SHBG: variants seen among roughly 807,000 people sequenced by gnomAD.
SHBG encodes sex hormone binding globulin.
A neutral mutation model predicts 41.9 loss-of-function variants in SHBG; 37 were observed. That is an observed-to-expected ratio of 0.88 (90% CI 0.68 to 1.16). SHBG has a LOEUF of 1.16. Among genes scored for constraint, SHBG ranks in the 50% most tolerant of loss-of-function variants. The pLI, the probability that SHBG is intolerant of heterozygous loss-of-function variation, is 0.00. For synonymous variants in SHBG, 217 were observed against 205.8 expected, an observed-to-expected ratio of 1.05 and a Z score of -0.47; for missense variants, 466 against 499.9, an observed-to-expected ratio of 0.93 and a Z score of 0.65.
chr17:7,620,120 CAA>C (rs71159513), intron 1 of SHBG, among the ~76,000 whole-genome samples: 6 of 132,022 alleles, frequency 4.5e-5, no homozygotes, highest in Admixed American at 1.5e-4. Context: ...TATCCCTCTC[CAA>C]AAAAAAAAAA....
chr17:7,616,266 A>G (rs142562297), intron 1 of SHBG, among the ~76,000 whole-genome samples: 164 of 149,128 alleles, frequency 1.1e-3, no homozygotes, highest in Non-Finnish European at 2.0e-3. Context: ...AGTGGATATC[A>G]TGCCACCACA....
chr17:7,616,997 A>G (rs1280674963), intron 1 of SHBG, among the ~76,000 whole-genome samples: 2 of 152,190 alleles, frequency 1.3e-5, no homozygotes, highest in Admixed American at 1.3e-4. Context: ...AAAAACTGTC[A>G]TGAAATAAGG....
Position 7,630,225 on chromosome 17 carries a change from T to C in SHBG, c.53T>C (p.Leu18Ser). The change falls in exon 1 of 8, where the codon TTG becomes TCG. Residue 18 changes from leucine (L) to serine (S), a missense_variant. Leu to Ser is a moderately radical substitution (Grantham distance 145, BLOSUM62 -2). Coordinates refer to ENST00000380450, the MANE Select transcript of SHBG (RefSeq NM_001040.5). This position sits in a 1 kb window ranked among gnomAD's most constrained non-coding sequence, Gnocchi z 4.6. ...ATSRLLLLLL[L>S]LLLRHTRQGW... ...TCGCGCCTGCTGCTGTTGCTGCTGT[T>C]GCTACTACTGCGTCACACCCGCCAG... 1 of 1,612,648 alleles carries C rather than the reference T, an allele frequency of 6.2e-7. No homozygotes were observed. Among genetic ancestry groups the C allele is most frequent in the South Asian group, 1.1e-5 (1 of 90,866 alleles).
chr17:7,630,599 G>T lies in SHBG; in HGVS notation c.204-81G>T, dbSNP rs1423173716. 3.9e-6 allele frequency: 6 copies of T among 1,536,190 alleles called. No homozygotes were observed. The highest frequency in any genetic ancestry group is 1.4e-5 in the African/African-American group (1 of 73,274). Reference sequence around the variant, plus strand: ...TTTCCCTGTCTTCCTTTCCTTATCTGTGAACACCATCTCCCCCAAACCCAC... The same window carrying T: ...TTTCCCTGTCTTCCTTTCCTTATCTTTGAACACCATCTCCCCCAAACCCAC... On this transcript the variant is annotated intron_variant, in intron 2 of 7. Transcript: ENST00000380450. This position sits in a 1 kb window ranked among gnomAD's most constrained non-coding sequence, Gnocchi z 4.6.
chr17:7,630,034 TC>T (rs773446353), upstream of SHBG: 2 of 758,708 alleles, frequency 2.6e-6, no homozygotes, highest in Non-Finnish European at 4.7e-6. This position sits in a 1 kb window ranked among gnomAD's most constrained non-coding sequence, Gnocchi z 4.6. Context: ...TGGGCAGGGG[TC>T]AAGGGTCAGT....
In SHBG at chr17:7,630,204, G is replaced by A. The variant is rs532938410; in HGVS notation, c.32G>A (p.Arg11His). Reference protein sequence around the residue: MESRGPLATSRLLLLLLLLLL... With the variant: MESRGPLATSHLLLLLLLLLL... ...AGCAGAGGCCCACTGGCTACCTCGC[G>A]CCTGCTGCTGTTGCTGCTGTTGCTA... Residue 11 changes from arginine (R) to histidine (H), a missense_variant, in exon 1 of 8, where the codon CGC (arginine) becomes CAC (histidine). Arg to His is a conservative substitution (Grantham distance 29, BLOSUM62 0). Coordinates refer to ENST00000380450, the MANE Select transcript of SHBG (RefSeq NM_001040.5). The surrounding 1 kb of genome is among the most constrained non-coding windows in gnomAD (Gnocchi z 4.6). 1.9e-5 allele frequency: 30 copies of A among 1,613,566 alleles called. No homozygotes were observed. Among genetic ancestry groups the A allele is most frequent in the African/African-American group, 1.7e-4 (13 of 75,010 alleles).
chr17:7,633,080 T>C (rs2072472697), intron 7 of SHBG, 121 bp downstream of exon 7: 2 of 1,406,026 alleles, frequency 1.4e-6, no homozygotes, highest in African/African-American at 2.8e-5. Context: ...AAGAAGAAGA[T>C]ATGGGGGCAG....
upstream of SHBG, among the ~76,000 whole-genome samples, chr17:7,623,260 G>A (rs556182639): frequency 9.3e-4 from 141 of 151,974 alleles, no homozygotes; most frequent in African/African-American, 3.2e-3. Flanking sequence ...GCGTAGTGGC[G>A]CATGCCTGTA....
upstream of SHBG, among the ~76,000 whole-genome samples, chr17:7,629,442 T>G (rs926633409): frequency 6.6e-6 from 1 of 152,066 alleles, no homozygotes; most frequent in Non-Finnish European, 1.5e-5. Context: ...TGATTTCTAC[T>G]GCTAGACTGT....
chr17:7,631,473 C>T, intron 4 of SHBG, 112 bp downstream of exon 4: 1 of 1,560,236 alleles, frequency 6.4e-7, no homozygotes, highest in Non-Finnish European at 8.8e-7. Context: ...GGGTTGAGAG[C>T]TGCAAGGGGG....
At chr17:7,627,662 G>C (rs1157859704), upstream of SHBG, 2 of 1,613,832 alleles carry the variant, frequency 1.2e-6, no homozygotes, top group Non-Finnish European at 1.7e-6. This position sits in a 1 kb window ranked among gnomAD's most constrained non-coding sequence, Gnocchi z 4.8. Flanking sequence ...TGGGACCAAA[G>C]TCCCAGGGCC....
At chr17:7,629,227 T>A (rs978987831), upstream of SHBG, among the ~76,000 whole-genome samples, 4 of 150,380 alleles carry the variant, frequency 2.7e-5, no homozygotes, top group Admixed American at 2.7e-4. Context: ...CACAAAAAAA[T>A]TTGCTGGGCG....
chr17:7,630,550 C>T lies in SHBG; in HGVS notation c.203+43C>T. On this transcript the variant is annotated intron_variant, in intron 2 of 7. Coordinates refer to ENST00000380450, the MANE Select transcript of SHBG (RefSeq NM_001040.5). The surrounding 1 kb of genome is among the most constrained non-coding windows in gnomAD (Gnocchi z 4.6). ...CCCTTGACCCAGTCCCCTGGTTCTG[C>T]CCTCTCTCCATCAGCTCTTCTCTTT... is the stretch of plus-strand genomic sequence containing the variant. 2 of 1,569,550 alleles carry T rather than the reference C, an allele frequency of 1.3e-6. No homozygotes were observed. The highest frequency in any genetic ancestry group is 1.7e-5 in the Admixed American group (1 of 59,942).
In SHBG at chr17:7,630,643, C is replaced by G. The variant is rs1349979280; in HGVS notation, c.204-37C>G. On this transcript the variant is annotated intron_variant, in intron 2 of 7. Coordinates refer to ENST00000380450, the MANE Select transcript of SHBG (RefSeq NM_001040.5). The surrounding 1 kb of genome is among the most constrained non-coding windows in gnomAD (Gnocchi z 4.6). ...AACCCACACTGGTTCTCAAAGGACA[C>G]ATGACATACACAATCTTTCCTTCTG... 2 of 1,590,746 alleles carry G rather than the reference C, an allele frequency of 1.3e-6. No homozygotes were observed. Among genetic ancestry groups the G allele is most frequent in the East Asian group, 2.2e-5 (1 of 44,764 alleles).
intron 1 of SHBG, chr17:7,614,723 TCCG>T (rs1240216771): frequency 7.5e-5 from 20 of 267,384 alleles, no homozygotes; most frequent in East Asian, 2.1e-4. Flanking sequence ...CCGCTCCCCG[TCCG>T]CCGCCGCCGC....
At chr17:7,630,095 C>A, upstream of SHBG, 1 of 1,231,586 alleles carries the variant, frequency 8.1e-7, no homozygotes. The surrounding 1 kb of genome is among the most constrained non-coding windows in gnomAD (Gnocchi z 4.6). Flanking sequence ...TAACCCTCCA[C>A]CGCCCACACG....
chr17:7,626,498 C>T (rs200187124), upstream of SHBG: 4 of 1,614,126 alleles, frequency 2.5e-6, no homozygotes, highest in East Asian at 8.9e-5. Context: ...AGAAGAAGTG[C>T]CAGCCCTCAG....
Position 7,631,283 on chromosome 17 carries a change from C to G in SHBG, c.477C>G (p.Pro159=), listed in dbSNP as rs751270446. Residue 159 remains proline, a synonymous_variant, in exon 4 of 8, where the codon CCC becomes CCG. Transcript: ENST00000380450. ...TGCGCCTGAGACAGGTCTCTGGGCC[C>G]CTGACCAGCAAACGCCATCCCATCA... is the stretch of plus-strand genomic sequence containing the variant. ...EVLRLRQVSG[P]LTSKRHPIMR... is the part of the protein sequence containing the mutation. 6 of 1,613,522 alleles carry G rather than the reference C, an allele frequency of 3.7e-6. No individual in the cohort carries two copies. In the South Asian group the frequency reaches 6.6e-5, roughly 18 times the overall value.
chr17:7,615,822 A>G (rs2071973261), intron 1 of SHBG, among the ~76,000 whole-genome samples: 6 of 149,384 alleles, frequency 4.0e-5, no homozygotes, highest in Admixed American at 4.0e-4. Flanking sequence ...CGACAGAGCA[A>G]GACTCAGTCT....
Sources: allele counts gnomAD v4.1 joint callset (sites outside exome capture counted in the v4.1 genomes callset), GRCh38; gene constraint gnomAD v4.1.1; non-coding constraint Gnocchi (gnomAD v3.1); transcripts MANE v1.5; gene names NCBI Gene and HGNC (gene_info 2026-07-23, HGNC 2026-07-21).